The following ACTR3 variants were observed in gnomAD, a reference collection of about 807,000 sequenced individuals.
ACTR3 encodes the protein actin related protein 3.
ACTR3 carries 12 observed loss-of-function variants against 56.8 expected under a neutral mutation model. The observed-to-expected ratio is 0.21, with a 90% CI of 0.14 to 0.34. The LOEUF is 0.34. Among genes scored for constraint, ACTR3 ranks in the 10% least tolerant of loss-of-function variants. ACTR3 has a pLI of 1.00. For missense variants in ACTR3, 282 were observed against 512.5 expected (o/e 0.55, Z 4.34); for synonymous variants, 162 against 167.4 (o/e 0.97, Z 0.25).
At chr2:113,934,022 T>G (rs923492989) in intron 5 of ACTR3, 19 of 390,086 alleles carry the variant, frequency 4.9e-5, no homozygotes, top group Non-Finnish European at 8.7e-5. Context: ...GAAATAGCCT[T>G]TATAAAATAT....
At chr2:113,954,054 G>A (rs563490344) in intron 10 of ACTR3, 4 of 152,204 alleles carry the variant, frequency 2.6e-5, no homozygotes, top group African/African-American at 7.2e-5. Flanking sequence ...GCTTGGGTTT[G>A]TTTAATATTT....
At chr2:113,890,738 G>A (rs1352357463) in intron 1 of ACTR3, 6 of 1,062,822 alleles carry the variant, frequency 5.6e-6, no homozygotes, top group Non-Finnish European at 6.8e-6. Context: ...CGAGCTCGGG[G>A]ACTGGCCTGG....
chr2:113,899,363 A>G (rs1049204294), intron 1 of ACTR3, among the ~76,000 whole-genome samples: 1 of 148,958 alleles, frequency 6.7e-6, no homozygotes, highest in African/African-American at 2.6e-5. Context: ...ATGACTGCAC[A>G]AAACACATAT....
At chr2:113,953,319 G>T (rs1680151787) in intron 10 of ACTR3, 1 of 152,144 alleles carries the variant, frequency 6.6e-6, no homozygotes, top group Admixed American at 6.5e-5. Context: ...CAGAAGTGTT[G>T]CAGGTTTTGA....
At chr2:113,904,633 TG>T (rs1197003568) in intron 1 of ACTR3, 3 of 152,264 alleles carry the variant, frequency 2.0e-5, no homozygotes, top group African/African-American at 7.2e-5. Flanking sequence ...GTAGAATTCC[TG>T]GGTCAGATGG....
intron 3 of ACTR3, among the ~76,000 whole-genome samples, chr2:113,919,746 A>ATTT (rs1432776068): frequency 7.8e-6 from 1 of 128,036 alleles, no homozygotes; most frequent in Non-Finnish European, 1.5e-5. Context: ...TCTAAAAATT[A>ATTT]TTTTATTTTA....
At chr2:113,929,841 G>C (rs1679686542) in intron 4 of ACTR3, among the ~76,000 whole-genome samples, 1 of 151,884 alleles carries the variant, frequency 6.6e-6, no homozygotes, top group African/African-American at 2.4e-5. Context: ...ACCACACCTG[G>C]CTAACTTTTG....
chr2:113,901,411 A>G (rs1019772247), intron 1 of ACTR3, among the ~76,000 whole-genome samples: 1 of 152,238 alleles, frequency 6.6e-6, no homozygotes, highest in Admixed American at 6.5e-5. Flanking sequence ...TTGGTATTGT[A>G]TGACGAAAAC....
intron 1 of ACTR3, among the ~76,000 whole-genome samples, chr2:113,906,912 A>G (rs1056474921): frequency 3.3e-5 from 5 of 152,020 alleles, no homozygotes; most frequent in African/African-American, 1.2e-4. Context: ...CTTTTTCAGG[A>G]TTATTTTGGC....
chr2:113,898,014 G>A (rs1309997906), intron 1 of ACTR3, among the ~76,000 whole-genome samples: 1 of 152,142 alleles, frequency 6.6e-6, no homozygotes, highest in East Asian at 1.9e-4. Flanking sequence ...TAAAGGAGAG[G>A]TTACAATGAG....
intron 1 of ACTR3, among the ~76,000 whole-genome samples, chr2:113,906,818 C>T (rs1033149839): frequency 4.6e-5 from 7 of 152,066 alleles, no homozygotes; most frequent in African/African-American, 1.7e-4. Flanking sequence ...TCTGTTAGTT[C>T]TTATGCCAGT....
chr2:113,958,780 TA>T lies in ACTR3; in HGVS notation c.*1326del, dbSNP rs1344363431. On this transcript the variant is annotated 3_prime_UTR_variant, in exon 12 of 12. Transcript: ENST00000263238. ...AATGGGAAATGTTTTATAGGCTTTT[TA>T]CTAGCAGTATCAGTGAACACTTGAA... 6.6e-6 allele frequency: 1 copy of T among 152,016 alleles called. No individual in the cohort carries two copies. The highest frequency in any genetic ancestry group is 6.6e-5 in the Admixed American group (1 of 15,234). 9.4% of individuals were successfully genotyped at this position (152,016 alleles called of 1,614,324 possible). A position where few individuals can be genotyped will look rare whatever the true frequency, so the allele number is the denominator to read the frequency against.
At chr2:113,944,584 T>TAAAAAAAAAAAAAA (rs34378884) in intron 8 of ACTR3, among the ~76,000 whole-genome samples, 3 of 57,992 alleles carry the variant, frequency 5.2e-5, no homozygotes, top group African/African-American at 2.1e-4. Context: ...CCGTCTCTAC[T>TAAAAAAAAAAAAAA]AAAAAAAAAA....
At chr2:113,923,689 A>C (rs1303692364) in intron 3 of ACTR3, among the ~76,000 whole-genome samples, 2 of 145,428 alleles carry the variant, frequency 1.4e-5, no homozygotes, top group South Asian at 4.3e-4. Context: ...TCCTTTACCC[A>C]CTACTCAAAC....
At position 113,958,366 on chromosome 2, in the gene ACTR3, G is replaced by GT. The variant is rs1484686316; in HGVS notation, c.*912dup. The GT allele has an allele frequency of 6.6e-6, 1 of 152,456 alleles. No individual in the cohort carries two copies. Among genetic ancestry groups the GT allele is most frequent in the African/African-American group, 2.4e-5 (1 of 41,430 alleles). The allele number at this position is 152,456 out of a possible 1,614,324, so 9.4% of individuals were successfully genotyped here. A position where few individuals can be genotyped will look rare whatever the true frequency, so the allele number is the denominator to read the frequency against. ...CACAACAGTTAGCAAGCTGACTTTT[G>GT]TAATGTGCTCAATACAAATACTTGT... is the stretch of plus-strand genomic sequence containing the variant. On this transcript the variant is annotated 3_prime_UTR_variant, in exon 12 of 12. Coordinates refer to ENST00000263238, the MANE Select transcript of ACTR3 (RefSeq NM_005721.5).
chr2:113,917,713 C>T (rs995966815), intron 3 of ACTR3, among the ~76,000 whole-genome samples: 13 of 152,270 alleles, frequency 8.5e-5, no homozygotes, highest in African/African-American at 2.4e-4. Context: ...TGAACAACTA[C>T]CATGTGTAAA....
At chr2:113,954,848 A>G (rs754211004) in intron 10 of ACTR3, 2 of 151,912 alleles carry the variant, frequency 1.3e-5, no homozygotes, top group Non-Finnish European at 2.9e-5. Context: ...CTGTTGGGGT[A>G]TCACTGAGTC....
At chr2:113,899,408 A>G (rs1679061402) in intron 1 of ACTR3, among the ~76,000 whole-genome samples, 1 of 152,250 alleles carries the variant, frequency 6.6e-6, no homozygotes, top group South Asian at 2.1e-4. Context: ...AAAGTAATCA[A>G]GTATTTATTT....
chr2:113,942,432 T>A, intron 8 of ACTR3, 73 bp downstream of exon 8: 2 of 1,063,838 alleles, frequency 1.9e-6, no homozygotes, highest in Non-Finnish European at 2.5e-6. Context: ...CAGAGAGAAT[T>A]AATCTCAGAA....
Sources: allele counts gnomAD v4.1 joint callset (sites outside exome capture counted in the v4.1 genomes callset), GRCh38; gene constraint gnomAD v4.1.1; transcripts MANE v1.5; gene names NCBI Gene and HGNC (gene_info 2026-07-23, HGNC 2026-07-21).